The following LRP1B variants were observed in gnomAD, a reference collection of about 807,000 sequenced individuals.
LRP1B encodes the protein low-density lipoprotein receptor-related protein 1B.
LRP1B carries 217 observed loss-of-function variants against 556.6 expected under a neutral mutation model. The observed-to-expected ratio is 0.39, with a 90% CI of 0.35 to 0.44. LRP1B has a LOEUF of 0.44. Among genes scored for constraint, LRP1B ranks in the 20% least tolerant of loss-of-function variants. The pLI is 1.00. For missense variants in LRP1B, 5,053 were observed against 5,620.8 expected (o/e 0.90, Z 3.23); for synonymous variants, 2,047 against 1,865.8 (o/e 1.10, Z -2.50).
intron 2 of LRP1B, among the ~76,000 whole-genome samples, chr2:141,567,766 A>G (rs949220365): frequency 1.4e-5 from 2 of 139,054 alleles, no homozygotes; most frequent in African/African-American, 4.9e-5. Context: ...CTGGACTACT[A>G]AAGATTCACC....
chr2:141,706,104 A>G (rs1692127672), intron 2 of LRP1B, among the ~76,000 whole-genome samples: 1 of 152,014 alleles, frequency 6.6e-6, no homozygotes, highest in Non-Finnish European at 1.5e-5. Context: ...ATAAAGCCCA[A>G]AATCTTCAGG....
chr2:141,984,002 A>G (rs1336617635), intron 1 of LRP1B, among the ~76,000 whole-genome samples: 1 of 152,174 alleles, frequency 6.6e-6, no homozygotes, highest in East Asian at 1.9e-4. Flanking sequence ...TGGAGGTTGC[A>G]GTGAACCAAG....
At chr2:141,331,066 T>G (rs1337510495) in intron 3 of LRP1B, among the ~76,000 whole-genome samples, 1 of 152,204 alleles carries the variant, frequency 6.6e-6, no homozygotes, top group Non-Finnish European at 1.5e-5. Flanking sequence ...AGTTCAGGGT[T>G]CTACCTAACT....
At chr2:141,838,573 A>C (rs754951893) in intron 1 of LRP1B, among the ~76,000 whole-genome samples, 15 of 152,262 alleles carry the variant, frequency 9.9e-5, no homozygotes, top group Non-Finnish European at 1.8e-4. Context: ...TAGACATTTA[A>C]CTTCTCATAT....
chr2:140,809,563 A>C (rs1054659758), intron 32 of LRP1B, among the ~76,000 whole-genome samples: 2 of 152,182 alleles, frequency 1.3e-5, no homozygotes, highest in African/African-American at 4.8e-5. Context: ...TAACCTGCTT[A>C]ACTCTATTAA....
chr2:142,068,722 C>T (rs13422569), intron 1 of LRP1B, among the ~76,000 whole-genome samples: 1 of 151,510 alleles, frequency 6.6e-6, no homozygotes, highest in South Asian at 2.1e-4. Flanking sequence ...CAGAACAGAG[C>T]TGTTTCCATT....
At chr2:140,970,900 C>T (rs1696400652) in intron 18 of LRP1B, among the ~76,000 whole-genome samples, 1 of 151,728 alleles carries the variant, frequency 6.6e-6, no homozygotes, top group Non-Finnish European at 1.5e-5. Context: ...ACCACCACAC[C>T]CTGCTAATTT....
chr2:142,115,141 A>T (rs1172497804), intron 1 of LRP1B, among the ~76,000 whole-genome samples: 1 of 152,062 alleles, frequency 6.6e-6, no homozygotes, highest in Non-Finnish European at 1.5e-5. Context: ...CACCTTTAAG[A>T]TAACCTTATG....
chr2:142,016,785 C>A (rs984051906), intron 1 of LRP1B, among the ~76,000 whole-genome samples: 1 of 150,238 alleles, frequency 6.7e-6, no homozygotes, highest in Non-Finnish European at 1.5e-5. Flanking sequence ...ATGTAACAAA[C>A]CTGCACGTTC....
At chr2:142,123,583 T>A (rs1420137393) in intron 1 of LRP1B, among the ~76,000 whole-genome samples, 4 of 151,600 alleles carry the variant, frequency 2.6e-5, no homozygotes, top group Non-Finnish European at 5.9e-5. Context: ...TGACTGTTAA[T>A]AAGAATGTAT....
At chr2:140,950,784 G>A (rs1350484797) in intron 19 of LRP1B, among the ~76,000 whole-genome samples, 1 of 151,412 alleles carries the variant, frequency 6.6e-6, no homozygotes, top group Admixed American at 6.6e-5. Flanking sequence ...GAGCCACTGT[G>A]CCCGGCCCTT....
At chr2:141,671,888 T>C (rs1325942405) in intron 2 of LRP1B, among the ~76,000 whole-genome samples, 1 of 152,030 alleles carries the variant, frequency 6.6e-6, no homozygotes, top group East Asian at 1.9e-4. Context: ...GAAGATCTCC[T>C]GTATCTCTTA....
chr2:141,015,624 T>C, intron 13 of LRP1B, 72 bp downstream of exon 13: 4 of 1,227,616 alleles, frequency 3.3e-6, no homozygotes, highest in Middle Eastern at 2.6e-4. Context: ...GAAAGTATTT[T>C]TAACACAACA....
chr2:140,834,670 A>G (rs1190380396), intron 31 of LRP1B, among the ~76,000 whole-genome samples: 1 of 152,208 alleles, frequency 6.6e-6, no homozygotes, highest in Non-Finnish European at 1.5e-5. Context: ...CGTTTTGGTA[A>G]CACTTGGAGG....
chr2:141,497,553 A>G (rs1683552298), intron 2 of LRP1B, among the ~76,000 whole-genome samples: 1 of 151,970 alleles, frequency 6.6e-6, no homozygotes, highest in African/African-American at 2.4e-5. Flanking sequence ...GAGAACAGGA[A>G]GGAAGGTCCA....
chr2:141,965,857 T>A (rs1401310978), intron 1 of LRP1B, among the ~76,000 whole-genome samples: 1 of 148,544 alleles, frequency 6.7e-6, no homozygotes, highest in Non-Finnish European at 1.5e-5. Context: ...CTTGGCCAAC[T>A]CTCAGAAAAT....
In LRP1B at chr2:140,540,961, C is replaced by T. The variant is rs2105016365; in HGVS notation, c.7513+12G>A. The T allele has an allele frequency of 6.2e-7, 1 of 1,602,898 alleles. No individual in the cohort carries two copies. The highest frequency in any genetic ancestry group is 1.1e-5 in the South Asian group (1 of 89,312). On this transcript the variant is annotated intron_variant, in intron 45 of 90. Transcript: ENST00000389484. ...AGATTTGTCATATTACATTTCAATT[C>T]CCTTTACTTACTCACACATCTGTTG...
intron 21 of LRP1B, among the ~76,000 whole-genome samples, chr2:140,914,317 A>C (rs1694511655): frequency 6.6e-6 from 1 of 152,174 alleles, no homozygotes; most frequent in Non-Finnish European, 1.5e-5. Flanking sequence ...GAGATATTGC[A>C]TAAGTAACCT....
intron 3 of LRP1B, among the ~76,000 whole-genome samples, chr2:141,388,498 G>T (rs1021016920): frequency 1.3e-5 from 2 of 151,986 alleles, no homozygotes; most frequent in African/African-American, 4.8e-5. Flanking sequence ...AGATTAGATG[G>T]AAACTACTTC....
Sources: gnomAD v4.1 joint callset for allele counts (sites outside exome capture counted in the v4.1 genomes callset) on GRCh38, gnomAD v4.1.1 for gene constraint, MANE v1.5 for transcripts, NCBI Gene and HGNC (gene_info 2026-07-23, HGNC 2026-07-21) for gene names.